Variants in SHROOM3 observed in about 807,000 individuals in gnomAD.
The protein encoded by SHROOM3 is shroom family member 3, also known as protein Shroom3.
In SHROOM3, 47 loss-of-function variants were observed where a neutral mutation model predicts 138.6. The ratio of observed to expected loss-of-function variants is 0.34; its 90% CI spans 0.27 to 0.43. SHROOM3 has a LOEUF of 0.43. Among genes scored for constraint, SHROOM3 ranks in the 20% least tolerant of loss-of-function variants. The pLI is 1.00. For synonymous variants in SHROOM3, 1,062 were observed against 1,063.3 expected (o/e 1.00, Z 0.02); for missense variants, 2,491 against 2,596.5 (o/e 0.96, Z 0.88).
chr4:76,679,334 C>T (rs898486702), intron 2 of SHROOM3, among the ~76,000 whole-genome samples: 1 of 152,180 alleles, frequency 6.6e-6, no homozygotes, highest in Non-Finnish European at 1.5e-5. Flanking sequence ...AGTCTTTCAT[C>T]CTTTTCATCT....
At position 76,667,330 on chromosome 4, in the gene SHROOM3, G is replaced by A. The variant is rs191266038; in HGVS notation, c.324-42826G>A. On this transcript the variant is annotated intron_variant, in intron 2 of 10. Coordinates refer to ENST00000296043, the MANE Select transcript of SHROOM3 (RefSeq NM_020859.4). ...GCTGTTTTTTCTTTTGTTTTGTTTC[G>A]TTTTTTTTAGACAGGTTCTCGCTCT... is the stretch of plus-strand genomic sequence containing the variant. Among the ~76,000 whole-genome samples the A allele has an allele frequency of 5.3e-5, 8 of 151,706 alleles. No homozygotes were observed. In the East Asian group the frequency reaches 1.2e-3, roughly 22 times the overall value.
At chr4:76,753,631 G>A (rs532109255) in intron 6 of SHROOM3, among the ~76,000 whole-genome samples, 17 of 152,262 alleles carry the variant, frequency 1.1e-4, no homozygotes, top group African/African-American at 3.4e-4. Context: ...AAAGTTTTGC[G>A]AATTGTTGGG....
At chr4:76,599,443 C>A (rs748785166) in intron 2 of SHROOM3, among the ~76,000 whole-genome samples, 15 of 152,338 alleles carry the variant, frequency 9.8e-5, no homozygotes, top group Admixed American at 3.9e-4. Flanking sequence ...TAATGCCCAG[C>A]TGCAGAAAGC....
At position 76,741,056 on chromosome 4, in the gene SHROOM3, T is replaced by C. The variant is rs1160196465; in HGVS notation, c.2883T>C (p.Pro961=). The change falls in exon 5 of 11, where the codon CCT becomes CCC. Residue 961 remains proline, a synonymous_variant. Coordinates refer to ENST00000296043, the MANE Select transcript of SHROOM3 (RefSeq NM_020859.4). The surrounding 1 kb of genome is among the most constrained non-coding windows in gnomAD (Gnocchi z 6.2). ...PVASRSWRPR[P]SSAHVGLRSP... ...CGTCGAGGTCCTGGCGGCCACGGCC[T>C]TCCTCGGCCCACGTGGGGCTGCGGA... is the stretch of plus-strand genomic sequence containing the variant. The C allele has an allele frequency of 6.0e-6, 9 of 1,501,384 alleles. No homozygotes were observed. The highest frequency in any genetic ancestry group is 8.0e-6 in the Non-Finnish European group (9 of 1,129,756). The allele number at this position is 1,501,384 out of a possible 1,614,324, so 93.0% of individuals were successfully genotyped here.
chr4:76,778,097 A>C (rs1277229611), intron 10 of SHROOM3, among the ~76,000 whole-genome samples: 2 of 152,208 alleles, frequency 1.3e-5, no homozygotes, highest in Non-Finnish European at 2.9e-5. Flanking sequence ...TTTTTATTCA[A>C]GAGGTGGAAG....
intron 2 of SHROOM3, among the ~76,000 whole-genome samples, chr4:76,686,044 G>A (rs907010339): frequency 2.6e-5 from 4 of 151,990 alleles, no homozygotes; most frequent in Admixed American, 1.3e-4. Flanking sequence ...GTCTTGCTCT[G>A]TTGCTCACAC....
chr4:76,743,543 C>A (rs979339111), intron 5 of SHROOM3, among the ~76,000 whole-genome samples: 1 of 152,182 alleles, frequency 6.6e-6, no homozygotes, highest in Non-Finnish European at 1.5e-5. Flanking sequence ...TGGCCTCTTC[C>A]TCAGCCAGCT....
At chr4:76,506,407 A>G (rs1209730232) in intron 1 of SHROOM3, among the ~76,000 whole-genome samples, 2 of 152,140 alleles carry the variant, frequency 1.3e-5, no homozygotes, top group Non-Finnish European at 2.9e-5. Flanking sequence ...AATAAAGTAT[A>G]TGGAAGGATG....
chr4:76,713,132 T>C (rs2110118986), intron 3 of SHROOM3, among the ~76,000 whole-genome samples: 1 of 152,376 alleles, frequency 6.6e-6, no homozygotes, highest in East Asian at 1.9e-4. Flanking sequence ...ACTGCTTTAC[T>C]GTACACTGAG....
At chr4:76,515,208 C>G (rs1732419726) in intron 1 of SHROOM3, among the ~76,000 whole-genome samples, 1 of 128,298 alleles carries the variant, frequency 7.8e-6, no homozygotes, top group African/African-American at 3.2e-5. Flanking sequence ...GAGCAAAACT[C>G]TGTCTAAAAA....
intron 2 of SHROOM3, among the ~76,000 whole-genome samples, chr4:76,704,723 C>T (rs1197251244): frequency 6.6e-6 from 1 of 152,148 alleles, no homozygotes; most frequent in African/African-American, 2.4e-5. Flanking sequence ...TACAGGATTT[C>T]ATCAGGGAAT....
chr4:76,713,377 A>C (rs1438595180), intron 3 of SHROOM3, among the ~76,000 whole-genome samples: 2 of 152,032 alleles, frequency 1.3e-5, no homozygotes, highest in African/African-American at 4.8e-5. Context: ...CTGAGACACA[A>C]ACACACACTC....
Position 76,774,408 on chromosome 4 carries a change from A to G in SHROOM3, c.5622+3510A>G, listed in dbSNP as rs9999637. The stretch of plus-strand genomic sequence containing the variant: ...AGTAGAAATGAGAAAAGGAAGAAAA[A>G]TAGTTACCAAATGGGGAGTAGTGAA... On this transcript the variant is annotated intron_variant, in intron 10 of 10. Transcript: ENST00000296043. 2.2e-3 allele frequency among the ~76,000 whole-genome samples: 334 copies of G among 152,306 alleles called. 2 individuals are homozygous for G. The highest frequency in any genetic ancestry group is 7.8e-3 in the African/African-American group (326 of 41,564).
At chr4:76,451,180 C>G (rs975996429) in intron 1 of SHROOM3, among the ~76,000 whole-genome samples, 3 of 152,090 alleles carry the variant, frequency 2.0e-5, no homozygotes, top group Non-Finnish European at 4.4e-5. Context: ...GAACTCCTGA[C>G]CTCAGATGAT....
chr4:76,440,911 C>T (rs960946033), intron 1 of SHROOM3, among the ~76,000 whole-genome samples: 1 of 151,992 alleles, frequency 6.6e-6, no homozygotes, highest in African/African-American at 2.4e-5. Context: ...CTTCCTCCAC[C>T]TGTAATATCA....
chr4:76,508,309 T>G (rs1732257707), intron 1 of SHROOM3, among the ~76,000 whole-genome samples: 1 of 152,220 alleles, frequency 6.6e-6, no homozygotes, highest in Admixed American at 6.5e-5. Flanking sequence ...GTTGAAAACA[T>G]TATTCTTTTC....
At chr4:76,612,057 T>C (rs1734775210) in intron 2 of SHROOM3, among the ~76,000 whole-genome samples, 1 of 152,220 alleles carries the variant, frequency 6.6e-6, no homozygotes, top group Non-Finnish European at 1.5e-5. Context: ...CTCTGCCTCC[T>C]CTCATTGTTG....
chr4:76,656,863 A>G (rs1189175491), intron 2 of SHROOM3, among the ~76,000 whole-genome samples: 1 of 152,206 alleles, frequency 6.6e-6, no homozygotes, highest in African/African-American at 2.4e-5. Context: ...CCTGGCAGAA[A>G]GTAGGTGCTG....
chr4:76,641,435 T>A (rs1735665168), intron 2 of SHROOM3, among the ~76,000 whole-genome samples: 1 of 152,054 alleles, frequency 6.6e-6, no homozygotes, highest in East Asian at 1.9e-4. Flanking sequence ...TGAAGGCAAG[T>A]AAACACAGGC....
Sources: gnomAD v4.1 joint callset for allele counts (sites outside exome capture counted in the v4.1 genomes callset) on GRCh38, gnomAD v4.1.1 for gene constraint, Gnocchi (gnomAD v3.1) non-coding constraint, MANE v1.5 for transcripts, NCBI Gene and HGNC (gene_info 2026-07-23, HGNC 2026-07-21) for gene names.